PIGG: variants seen among roughly 807,000 people sequenced by gnomAD.
PIGG encodes the protein GPI ethanolamine phosphate transferase 2, catalytic subunit.
Under a neutral mutation model 83.2 loss-of-function variants are expected in PIGG, and 70 were observed. The observed-to-expected ratio is 0.84, with a 90% CI of 0.69 to 1.03. The LOEUF (loss-of-function observed/expected upper bound fraction) is 1.03, where lower values mean the gene tolerates loss of function less well. PIGG is among the 50% of genes least tolerant of loss of function. PIGG has a pLI of 0.00. For missense variants in PIGG, 1,257 were observed against 1,233.6 expected (o/e 1.02, Z -0.28); for synonymous variants, 532 against 519.5 (o/e 1.02, Z -0.33).
chr4:500,316 G>A, intron 1 of PIGG, 80 bp from the exon 2 acceptor site: 1 of 1,007,336 alleles, frequency 9.9e-7, no homozygotes, highest in Non-Finnish European at 1.5e-6. Flanking sequence ...GGAGAAGTAG[G>A]TAGAAGCTAG....
At chr4:516,935 A>G (rs1339138982) in intron 6 of PIGG, among the ~76,000 whole-genome samples, 2 of 151,052 alleles carry the variant, frequency 1.3e-5, no homozygotes, top group Non-Finnish European at 3.0e-5. Context: ...CCACTGGGGC[A>G]GGCTGGCCGC....
At chr4:505,486 A>AT (rs36097974) in intron 2 of PIGG, among the ~76,000 whole-genome samples, 1 of 134,770 alleles carries the variant, frequency 7.4e-6, no homozygotes, top group African/African-American at 2.7e-5. Flanking sequence ...AAAAAAAAAA[A>AT]GCTGGGTGTG....
chr4:512,610 T>A (rs1049542481), intron 5 of PIGG, among the ~76,000 whole-genome samples: 4 of 151,874 alleles, frequency 2.6e-5, no homozygotes, highest in South Asian at 2.1e-4. Flanking sequence ...AGGGCAGAAG[T>A]TCGAGACCAG....
chr4:504,030 A>T (rs1388803474), intron 2 of PIGG, among the ~76,000 whole-genome samples: 6 of 152,206 alleles, frequency 3.9e-5, no homozygotes, highest in African/African-American at 1.4e-4. Context: ...AGCATTTAAC[A>T]AATGTGTGTA....
In PIGG at chr4:516,139, G is replaced by T; in HGVS notation, c.1068G>T (p.Val356=). Residue 356 remains valine, a synonymous_variant, in exon 6 of 13, where the codon GTG becomes GTT. Transcript: ENST00000453061. ...TGAGATTTTTACATTTGAATACAGT[G>T]CAGCTTAGTAAACTGTTGCAAGAGA... ...EQLRFLHLNT[V]QLSKLLQENV... 1 of 1,614,026 alleles carries T rather than the reference G, an allele frequency of 6.2e-7. No individual in the cohort carries two copies. Among genetic ancestry groups the T allele is most frequent in the Non-Finnish European group, 8.5e-7 (1 of 1,179,874 alleles).
chr4:530,703 T>C lies in PIGG; in HGVS notation c.2529T>C (p.Thr843=), dbSNP rs1425988068. Residue 843 remains threonine (T), a synonymous_variant, in exon 11 of 13, where the codon ACT becomes ACC. Transcript: ENST00000453061. ...KPLRHDAAEI[T]VMHYWFGQAF... ...TGAGACACGATGCAGCTGAGATTAC[T>C]GTGATGCATTATTGGTTTGGTCAAG... is the stretch of plus-strand genomic sequence containing the variant. 3.7e-6 allele frequency: 6 copies of C among 1,613,766 alleles called. No individual in the cohort carries two copies. In the South Asian group the frequency reaches 4.4e-5, roughly 12 times the overall value.
chr4:529,995 C>T (rs1176142435), intron 10 of PIGG, among the ~76,000 whole-genome samples: 2 of 152,212 alleles, frequency 1.3e-5, no homozygotes, highest in African/African-American at 2.4e-5. Flanking sequence ...TGTAAATGTG[C>T]AAATCCTTCT....
rs373360708 is a variant in PIGG at position 505,843 on chromosome 4, A to T, written c.486A>T (p.Gly162=). Reference sequence around the variant, plus strand: ...CTGGAAAAAGAATAGTCTTTTATGGAGATGAAACCTGGGTTAAATTATTCC... The same window carrying T: ...CTGGAAAAAGAATAGTCTTTTATGGTGATGAAACCTGGGTTAAATTATTCC... ...KAAGKRIVFY[G]DETWVKLFPK... is the part of the protein sequence containing the mutation. The change falls in exon 3 of 13, where the codon GGA becomes GGT. Residue 162 remains glycine, a synonymous_variant. Transcript: ENST00000453061. 8.1e-6 allele frequency: 13 copies of T among 1,613,234 alleles called. No individual in the cohort carries two copies. The African/African-American group carries it at 1.6e-4, about 20-fold the overall frequency.
At position 530,711 on chromosome 4, in the gene PIGG, A is replaced by G; in HGVS notation, c.2537A>G (p.His846Arg). The G allele has an allele frequency of 6.2e-7, 1 of 1,612,986 alleles. No individual in the cohort carries two copies. Among genetic ancestry groups the G allele is most frequent in the Non-Finnish European group, 8.5e-7 (1 of 1,179,046 alleles). Reference sequence around the variant, plus strand: ...GATGCAGCTGAGATTACTGTGATGCATTATTGGTTTGGTCAAGCATTCTTC... The same window carrying G: ...GATGCAGCTGAGATTACTGTGATGCGTTATTGGTTTGGTCAAGCATTCTTC... ...RHDAAEITVM[H>R]YWFGQAFFYF... The change falls in exon 11 of 13, where the codon CAT (histidine) becomes CGT (arginine). Residue 846 changes from histidine to arginine, a missense_variant. By Grantham distance (29) the His-to-Arg change is conservative. Transcript: ENST00000453061.
chr4:521,391 C>A (rs1725835330), intron 7 of PIGG, 118 bp downstream of exon 7: 1 of 743,016 alleles, frequency 1.3e-6, no homozygotes, highest in Admixed American at 2.9e-5. Flanking sequence ...TATTAATTTT[C>A]TTGTTTAACT....
rs753141401 is a variant in PIGG at position 533,853 on chromosome 4, C to T, written c.2607C>T (p.Ser869=). ...NSNNIATVDI[S]AGFVGLDTYV... ...ACAACATTGCCACCGTGGACATCTC[C>T]GCAGGCTTCGTGGGCTTAGACACCT... The change falls in exon 12 of 13, where the codon TCC becomes TCT. Residue 869 remains serine, a synonymous_variant. Transcript: ENST00000453061. 38 of 1,614,100 alleles carry T rather than the reference C, an allele frequency of 2.4e-5. No homozygotes were observed. The Middle Eastern group carries it at 6.6e-4, about 28-fold the overall frequency.
chr4:499,513 C>T, intron 1 of PIGG, 24 bp downstream of exon 1: 1 of 1,576,476 alleles, frequency 6.3e-7, no homozygotes, highest in Non-Finnish European at 8.6e-7. Context: ...CCCGGCGTCT[C>T]CGCTCCCCTG....
chr4:515,113 TC>T lies in PIGG; in HGVS notation c.902-856del, dbSNP rs1373045141. Among the ~76,000 whole-genome samples the T allele has an allele frequency of 6.6e-6, 1 of 152,142 alleles. No homozygotes were observed. The highest frequency in any genetic ancestry group is 1.5e-5 in the Non-Finnish European group (1 of 68,024). ...AACTTACCACAATCAAAGTAAAACC[TC>T]CCCAGACTCACACCTGAGTATCTAA... On this transcript the variant is annotated intron_variant, in intron 5 of 12. Transcript: ENST00000453061. The surrounding 1 kb of genome is among the most constrained non-coding windows in gnomAD (Gnocchi z 4.2).
At chr4:531,816 G>A (rs1434012754) in intron 11 of PIGG, 1 of 152,522 alleles carries the variant, frequency 6.6e-6, no homozygotes, top group East Asian at 1.9e-4. Context: ...TCCCTGCCAT[G>A]TCCACGCAAG....
At chr4:524,390 G>A (rs1726986483) in intron 9 of PIGG, among the ~76,000 whole-genome samples, 2 of 152,190 alleles carry the variant, frequency 1.3e-5, no homozygotes, top group South Asian at 2.1e-4. Context: ...TCAGCTCTGC[G>A]GGCTGCACAG....
chr4:521,196 C>A lies in PIGG; in HGVS notation c.1255C>A (p.Leu419Met), dbSNP rs1382035710. 9 of 1,614,190 alleles carry A rather than the reference C, an allele frequency of 5.6e-6. No homozygotes were observed. In the Admixed American group the frequency reaches 1.0e-4, roughly 18 times the overall value. ...GCAGTACCTGGATGCTCTGAAGACG[C>A]TGAGCTTGTCCCTGAGTGCACAAGT... The part of the protein sequence containing the change: ...LRQYLDALKT[L>M]SLSLSAQVAQ... Residue 419 changes from leucine (L) to methionine (M), a missense_variant, in exon 7 of 13, where the codon CTG becomes ATG. Coordinates refer to ENST00000453061, the MANE Select transcript of PIGG (RefSeq NM_001127178.3).
chr4:504,602 A>C (rs2108777936), intron 2 of PIGG, among the ~76,000 whole-genome samples: 1 of 152,304 alleles, frequency 6.6e-6, no homozygotes, highest in South Asian at 2.1e-4. Flanking sequence ...AGAAGTCTGG[A>C]TAATTCATAC....
intron 2 of PIGG, among the ~76,000 whole-genome samples, chr4:502,991 A>G (rs1397868740): frequency 6.6e-6 from 1 of 152,128 alleles, no homozygotes; most frequent in Non-Finnish European, 1.5e-5. Context: ...GAATCCACCA[A>G]GGAAGAAAGC....
At position 539,228 on chromosome 4, in the gene PIGG, G is replaced by A; in HGVS notation, c.2811G>A (p.Leu937=). 1 of 1,612,978 alleles carries A rather than the reference G, an allele frequency of 6.2e-7. No homozygotes were observed. The highest frequency in any genetic ancestry group is 8.5e-7 in the Non-Finnish European group (1 of 1,178,994). The stretch of plus-strand genomic sequence containing the variant: ...TTCCAGTTTTCACGTACATCGTTTT[G>A]GTGACATCTCTGCGTTATCATTTAT... ...CSIPVFTYIV[L]VTSLRYHLFI... The change falls in exon 13 of 13, where the codon TTG becomes TTA. Residue 937 remains leucine (L), a synonymous_variant. Transcript: ENST00000453061.
Sources: gnomAD v4.1 joint callset for allele counts (sites outside exome capture counted in the v4.1 genomes callset) on GRCh38, gnomAD v4.1.1 for gene constraint, Gnocchi (gnomAD v3.1) non-coding constraint, MANE v1.5 for transcripts, NCBI Gene and HGNC (gene_info 2026-07-23, HGNC 2026-07-21) for gene names.